Variants in TMPRSS12 observed in about 807,000 individuals in gnomAD.
The protein encoded by TMPRSS12 is transmembrane serine protease 12.
In TMPRSS12, 25 loss-of-function variants were observed where a neutral mutation model predicts 26.0. The observed-to-expected ratio is 0.96, with a 90% CI of 0.70 to 1.34. The LOEUF (loss-of-function observed/expected upper bound fraction) is 1.34, where lower values mean the gene tolerates loss of function less well. Ranked by LOEUF, TMPRSS12 falls within the 40% of genes most tolerant of loss-of-function variation. The pLI, the probability that TMPRSS12 is intolerant of heterozygous loss-of-function variation, is 0.00. For missense variants in TMPRSS12, 441 were observed against 440.1 expected (o/e 1.00, Z -0.02); for synonymous variants, 150 against 161.7 (o/e 0.93, Z 0.55).
At chr12:50,874,343 A>G (rs1235423949) in intron 3 of TMPRSS12, among the ~76,000 whole-genome samples, 2 of 152,182 alleles carry the variant, frequency 1.3e-5, no homozygotes, top group African/African-American at 4.8e-5. Context: ...TGAATACAGC[A>G]ACATATAAAA....
intron 3 of TMPRSS12, among the ~76,000 whole-genome samples, chr12:50,880,962 A>ATTTTTTTTTTTTTTTTTTTTTT (rs1443301507): frequency 1.0e-5 from 1 of 99,170 alleles, no homozygotes; most frequent in Non-Finnish European, 2.0e-5. Context: ...GGAATCAGTA[A>ATTTTTTTTTTTTTTTTTTTTTT]TTTCTTTTTT....
intron 3 of TMPRSS12, among the ~76,000 whole-genome samples, chr12:50,871,896 A>C (rs1317795872): frequency 1.3e-5 from 2 of 151,518 alleles, no homozygotes; most frequent in African/African-American, 4.9e-5. Context: ...ATACCACCTT[A>C]CTCCTTCAAG....
At chr12:50,846,240 C>A (rs1037876980) in intron 2 of TMPRSS12, among the ~76,000 whole-genome samples, 1 of 152,090 alleles carries the variant, frequency 6.6e-6, no homozygotes, top group South Asian at 2.1e-4. Context: ...AGCTTTTCCC[C>A]TATGTTTTCT....
intron 2 of TMPRSS12, among the ~76,000 whole-genome samples, chr12:50,855,169 C>T (rs1456390064): frequency 6.6e-6 from 1 of 151,986 alleles, no homozygotes; most frequent in Non-Finnish European, 1.5e-5. Flanking sequence ...CTGGCAAGGA[C>T]ATCATGACAA....
intron 3 of TMPRSS12, among the ~76,000 whole-genome samples, chr12:50,861,108 T>C (rs1565932878): frequency 6.6e-6 from 1 of 152,180 alleles, no homozygotes; most frequent in Non-Finnish European, 1.5e-5. Flanking sequence ...GAGTTAATGT[T>C]ATTTTTACCC....
chr12:50,882,569 A>G (rs1039477461), intron 3 of TMPRSS12, among the ~76,000 whole-genome samples: 1 of 69,630 alleles, frequency 1.4e-5, no homozygotes, highest in Non-Finnish European at 3.3e-5. Flanking sequence ...AATTAATATT[A>G]TGAACTAACA....
In TMPRSS12 at chr12:50,887,594, C is replaced by A. The variant is rs1217847843; in HGVS notation, c.*81C>A. 2.0e-6 allele frequency: 3 copies of A among 1,493,170 alleles called. No homozygotes were observed. The highest frequency in any genetic ancestry group is 2.8e-5 in the African/African-American group (2 of 71,380). 92.5% of individuals were successfully genotyped at this position (1,493,170 alleles called of 1,614,324 possible). On this transcript the variant is annotated 3_prime_UTR_variant, in exon 5 of 5. Transcript: ENST00000398458. ...TATATAATGAACATCATTTATTCTT[C>A]TAGCAATTAATTGCCTACATTAGAG...
intron 3 of TMPRSS12, among the ~76,000 whole-genome samples, chr12:50,863,917 T>G (rs779905577): frequency 6.6e-6 from 1 of 152,218 alleles, no homozygotes; most frequent in African/African-American, 2.4e-5. Flanking sequence ...TGTAGGAAAC[T>G]GCATAAAATG....
chr12:50,861,814 CTTT>C (rs59550869), intron 3 of TMPRSS12, among the ~76,000 whole-genome samples: 1 of 145,026 alleles, frequency 6.9e-6, no homozygotes, highest in Non-Finnish European at 1.5e-5. Context: ...ATTAATATAT[CTTT>C]TTTTTTTTTT....
At chr12:50,854,954 A>T (rs1234259444) in intron 2 of TMPRSS12, among the ~76,000 whole-genome samples, 1 of 152,240 alleles carries the variant, frequency 6.6e-6, no homozygotes, top group Non-Finnish European at 1.5e-5. Context: ...ACAGAATTTT[A>T]AAAACTATTC....
chr12:50,885,197 T>C (rs1938212993), intron 3 of TMPRSS12, 49 bp from the exon 4 acceptor site: 2 of 1,509,210 alleles, frequency 1.3e-6, no homozygotes, highest in Non-Finnish European at 1.8e-6. Context: ...TTTAAATCAC[T>C]GTAAAAATGT....
At chr12:50,845,981 G>A (rs1445353342) in intron 2 of TMPRSS12, among the ~76,000 whole-genome samples, 1 of 151,990 alleles carries the variant, frequency 6.6e-6, no homozygotes, top group Non-Finnish European at 1.5e-5. Context: ...TTTGAACTGG[G>A]CTCTTTGCTT....
Position 50,887,336 on chromosome 12 carries a change from C to T in TMPRSS12, c.870C>T (p.Tyr290=), listed in dbSNP as rs767272191. 2.1e-5 allele frequency: 34 copies of T among 1,613,776 alleles called. No homozygotes were observed. Among genetic ancestry groups the T allele is most frequent in the Non-Finnish European group, 2.7e-5 (32 of 1,179,870 alleles). The change falls in exon 5 of 5, where the codon TAC becomes TAT. Residue 290 remains tyrosine, a synonymous_variant. Transcript: ENST00000398458. ...TTTTTGTAATGGGAATTACCAGTTACGGACATGGCTGTGGTCGAAGAGGTT... is the reference window on the plus strand; with the variant it reads ...TTTTTGTAATGGGAATTACCAGTTATGGACATGGCTGTGGTCGAAGAGGTT... ...KRFFVMGITS[Y]GHGCGRRGFP...
chr12:50,853,673 A>G (rs1393256074), intron 2 of TMPRSS12, among the ~76,000 whole-genome samples: 1 of 152,040 alleles, frequency 6.6e-6, no homozygotes, highest in Non-Finnish European at 1.5e-5. Context: ...ACCCCACAGA[A>G]ATATAAAATA....
chr12:50,859,174 C>A, intron 3 of TMPRSS12, 121 bp downstream of exon 3: 1 of 887,640 alleles, frequency 1.1e-6, no homozygotes, highest in Non-Finnish European at 1.6e-6. Context: ...AGACCACACA[C>A]ACGATGGTGG....
intron 3 of TMPRSS12, among the ~76,000 whole-genome samples, chr12:50,860,847 G>A (rs1937927641): frequency 6.6e-6 from 1 of 152,154 alleles, no homozygotes; most frequent in African/African-American, 2.4e-5. Flanking sequence ...CTAGTCTTAA[G>A]AAATCCTCCT....
intron 1 of TMPRSS12, among the ~76,000 whole-genome samples, 157 bp from the exon 2 acceptor site, chr12:50,843,685 T>TC (rs1365901359): frequency 1.3e-5 from 2 of 152,202 alleles, no homozygotes; most frequent in Non-Finnish European, 2.9e-5. Flanking sequence ...GTCTTAACTC[T>TC]CCAAGTTTCT....
At chr12:50,848,620 C>T (rs10459239) in intron 2 of TMPRSS12, among the ~76,000 whole-genome samples, 54,720 of 152,020 alleles carry the variant, frequency 0.36, 10,395 homozygotes, top group African/African-American at 0.5. Flanking sequence ...CTCCTATTGC[C>T]AACTGGCCTT....
At chr12:50,885,767 T>G (rs1938220088) in intron 4 of TMPRSS12, 1 of 443,048 alleles carries the variant, frequency 2.3e-6, no homozygotes, top group African/African-American at 2.0e-5. Flanking sequence ...GCGATTCTCA[T>G]CCCTCAGCCT....
Sources: gnomAD v4.1 joint callset for allele counts (sites outside exome capture counted in the v4.1 genomes callset) on GRCh38, gnomAD v4.1.1 for gene constraint, MANE v1.5 for transcripts, NCBI Gene and HGNC (gene_info 2026-07-23, HGNC 2026-07-21) for gene names.